The following WWOX variants were observed in gnomAD, a reference collection of about 807,000 sequenced individuals.
WWOX encodes the protein WW domain-containing oxidoreductase.
A neutral mutation model predicts 46.2 loss-of-function variants in WWOX; 69 were observed. The ratio of observed to expected loss-of-function variants is 1.49; its 90% CI spans 1.23 to 1.82. The LOEUF (loss-of-function observed/expected upper bound fraction) is 1.82. Among genes scored for constraint, WWOX ranks in the 40% most tolerant of loss-of-function variants. The probability of loss-of-function intolerance (pLI) is 0.00; values close to 1 mark genes in which losing one functional copy is unlikely to be tolerated. For synonymous variants in WWOX, 359 were observed against 202.6 expected (o/e 1.77, Z -6.56); for missense variants, 919 against 542.6 (o/e 1.69, Z -6.89).
At chr16:78,281,435 A>G (rs1267096784) in intron 5 of WWOX, among the ~76,000 whole-genome samples, 1 of 152,194 alleles carries the variant, frequency 6.6e-6, no homozygotes, top group African/African-American at 2.4e-5. Flanking sequence ...TTCCTCTTAC[A>G]CACAAAAAGC....
chr16:78,699,166 T>C (rs746700268), intron 8 of WWOX, among the ~76,000 whole-genome samples: 7 of 152,200 alleles, frequency 4.6e-5, no homozygotes, highest in African/African-American at 7.2e-5. Flanking sequence ...TAAAAACAGG[T>C]CACGGGCCAC....
intron 8 of WWOX, among the ~76,000 whole-genome samples, chr16:78,598,902 A>G (rs2045556153): frequency 1.3e-5 from 2 of 152,162 alleles, no homozygotes; most frequent in African/African-American, 4.8e-5. Flanking sequence ...ACATGACACC[A>G]ATAGCTCACT....
intron 8 of WWOX, among the ~76,000 whole-genome samples, chr16:78,643,720 A>G (rs2142121783): frequency 6.6e-6 from 1 of 152,126 alleles, no homozygotes; most frequent in Non-Finnish European, 1.5e-5. Flanking sequence ...CCTTCTAGGA[A>G]CTGATTTAAA....
chr16:78,432,404 C>G, intron 7 of WWOX, 84 bp from the exon 8 acceptor site: 3 of 1,563,894 alleles, frequency 1.9e-6, no homozygotes, highest in Admixed American at 3.3e-5. Flanking sequence ...CTGCACCCAG[C>G]ATTCCTTAGA....
chr16:79,199,158 C>T (rs1597468070), intron 8 of WWOX, among the ~76,000 whole-genome samples: 1 of 152,138 alleles, frequency 6.6e-6, no homozygotes, highest in Admixed American at 6.5e-5. Context: ...TGCCTCCTGG[C>T]TTCAAGCCAT....
intron 8 of WWOX, among the ~76,000 whole-genome samples, chr16:78,986,575 G>T (rs2046788919): frequency 6.6e-6 from 1 of 152,174 alleles, no homozygotes; most frequent in Non-Finnish European, 1.5e-5. Context: ...AAACCGATAG[G>T]CTACTTGACA....
intron 8 of WWOX, among the ~76,000 whole-genome samples, chr16:79,154,267 G>A (rs1448053343): frequency 1.3e-5 from 2 of 152,182 alleles, no homozygotes; most frequent in Non-Finnish European, 2.9e-5. Flanking sequence ...CACCGGTGAG[G>A]TCACCGTGGG....
chr16:78,829,705 A>T (rs1002709368), intron 8 of WWOX, among the ~76,000 whole-genome samples: 5 of 152,182 alleles, frequency 3.3e-5, no homozygotes, highest in Non-Finnish European at 7.3e-5. Context: ...TAACAGGTCT[A>T]GGAGTCATTA....
In WWOX at chr16:78,194,124, C is replaced by T. The variant is rs563159179; in HGVS notation, c.516+29835C>T. ...CGATCTCCTGACCTCGTGATCCGTC[C>T]GCCTCGGCCTCCCAAAGTGCTGGGA... On this transcript the variant is annotated intron_variant, in intron 5 of 8. Transcript: ENST00000566780. 9.9e-5 allele frequency among the ~76,000 whole-genome samples: 15 copies of T among 151,738 alleles called. 1 individual carries two copies. The highest frequency in any genetic ancestry group is 9.8e-4 in the East Asian group (5 of 5,112).
At chr16:78,581,368 A>G (rs184465173) in intron 8 of WWOX, among the ~76,000 whole-genome samples, 2 of 152,306 alleles carry the variant, frequency 1.3e-5, no homozygotes, top group African/African-American at 2.4e-5. Context: ...ACCCTTTTTC[A>G]TATGAATAGA....
chr16:78,945,249 A>T (rs1394499715), intron 8 of WWOX, among the ~76,000 whole-genome samples: 1 of 152,186 alleles, frequency 6.6e-6, no homozygotes. Flanking sequence ...ACCAAATAAC[A>T]GTGGCACCAG....
chr16:78,749,674 T>C (rs1393106062), intron 8 of WWOX, among the ~76,000 whole-genome samples: 3 of 152,204 alleles, frequency 2.0e-5, no homozygotes, highest in Non-Finnish European at 4.4e-5. Flanking sequence ...GGAAAAATTA[T>C]AGACCTCAAA....
chr16:78,636,757 G>C (rs1225237158), intron 8 of WWOX, among the ~76,000 whole-genome samples: 2 of 152,110 alleles, frequency 1.3e-5, no homozygotes, highest in Admixed American at 1.3e-4. Flanking sequence ...CTCCCCACCT[G>C]CTCTGGAGTC....
At position 78,956,905 on chromosome 16, in the gene WWOX, T is replaced by C. The variant is rs554635086; in HGVS notation, c.1057-254703T>C. Reference sequence around the variant, plus strand: ...CCACTCAAAATTCTGGGAAATAGGATGTTTTGTAAAGAAAGTTTGCTACTG... The same window carrying C: ...CCACTCAAAATTCTGGGAAATAGGACGTTTTGTAAAGAAAGTTTGCTACTG... On this transcript the variant is annotated intron_variant, in intron 8 of 8. Transcript: ENST00000566780. Among the ~76,000 whole-genome samples the C allele has an allele frequency of 3.9e-5, 6 of 152,284 alleles. No individual in the cohort carries two copies. In the East Asian group the frequency reaches 9.7e-4, roughly 24 times the overall value.
At chr16:79,032,315 T>G (rs148479067) in intron 8 of WWOX, among the ~76,000 whole-genome samples, 2,403 of 145,984 alleles carry the variant, frequency 0.016, 75 homozygotes, top group African/African-American at 0.057. Flanking sequence ...CTCTAATATG[T>G]AGTCTATATA....
At chr16:78,699,454 T>A (rs753742580) in intron 8 of WWOX, among the ~76,000 whole-genome samples, 4 of 151,756 alleles carry the variant, frequency 2.6e-5, no homozygotes, top group African/African-American at 9.7e-5. Flanking sequence ...TGGGAAGATA[T>A]CCTGAGCCCA....
chr16:78,257,448 C>T (rs921050595), intron 5 of WWOX, among the ~76,000 whole-genome samples: 5 of 152,146 alleles, frequency 3.3e-5, no homozygotes. Context: ...CTCCTCCGAG[C>T]CAGGGATGGA....
chr16:78,973,367 G>C (rs1003690987), intron 8 of WWOX, among the ~76,000 whole-genome samples: 3 of 152,056 alleles, frequency 2.0e-5, no homozygotes, highest in African/African-American at 7.2e-5. Flanking sequence ...GAGAAAAATA[G>C]AACTGTTCTA....
At chr16:78,174,336 T>A (rs2035262060) in intron 5 of WWOX, among the ~76,000 whole-genome samples, 1 of 152,108 alleles carries the variant, frequency 6.6e-6, no homozygotes, top group Non-Finnish European at 1.5e-5. Flanking sequence ...TGAGACTTAT[T>A]CACTATCATG....
Sources: gnomAD v4.1 joint callset for allele counts (sites outside exome capture counted in the v4.1 genomes callset) on GRCh38, gnomAD v4.1.1 for gene constraint, MANE v1.5 for transcripts, NCBI Gene and HGNC (gene_info 2026-07-23, HGNC 2026-07-21) for gene names.